The following SNX8 variants were observed in gnomAD, a reference collection of about 807,000 sequenced individuals.
SNX8 encodes sorting nexin-8.
In SNX8, 25 loss-of-function variants were observed where a neutral mutation model predicts 51.6. That is an observed-to-expected ratio of 0.48 (90% confidence interval 0.35 to 0.68). SNX8 has a LOEUF of 0.68. Among genes scored for constraint, SNX8 ranks in the 30% least tolerant of loss-of-function variants. The probability of loss-of-function intolerance (pLI) is 0.00; values close to 1 mark genes in which losing one functional copy is unlikely to be tolerated. For synonymous variants in SNX8, 324 were observed against 277.0 expected (o/e 1.17, Z -1.68); for missense variants, 695 against 624.0 (o/e 1.11, Z -1.21).
At chr7:2,320,796 G>A (rs1379893174) in intron 1 of SNX8, among the ~76,000 whole-genome samples, 3 of 151,896 alleles carry the variant, frequency 2.0e-5, no homozygotes, top group Admixed American at 6.6e-5. Flanking sequence ...CGAGGCGGGC[G>A]GATCACCTGA....
chr7:2,286,052 C>T (rs1796020432), intron 1 of SNX8, among the ~76,000 whole-genome samples: 1 of 149,494 alleles, frequency 6.7e-6, no homozygotes, highest in African/African-American at 2.5e-5. Context: ...TGCTCTGTCT[C>T]CCAAGCTGGA....
rs190200186 is a variant in SNX8 at position 2,289,170 on chromosome 7, C to A, written c.95-10865G>T. On this transcript the variant is annotated intron_variant, in intron 1 of 10. Coordinates refer to ENST00000222990, the MANE Select transcript of SNX8 (RefSeq NM_013321.4). ...GCTGCCCCTGTGGTGGGCGCCGCTG[C>A]GTGACTATGTGTCCTCGTCGCCTCC... 2.1e-3 allele frequency among the ~76,000 whole-genome samples: 314 copies of A among 152,270 alleles called. 3 individuals are homozygous for A. The highest frequency in any genetic ancestry group is 7.3e-3 in the African/African-American group (304 of 41,566).
At chr7:2,353,766 A>C (rs982298525) in intron 1 of SNX8, among the ~76,000 whole-genome samples, 2 of 151,740 alleles carry the variant, frequency 1.3e-5, no homozygotes, top group African/African-American at 4.8e-5. Context: ...TATTTATTTA[A>C]TTTTCGTAGA....
chr7:2,316,143 CCACT>C (rs1226046485), upstream of SNX8, among the ~76,000 whole-genome samples: 18 of 138,254 alleles, frequency 1.3e-4, no homozygotes, highest in African/African-American at 4.3e-4. Flanking sequence ...ATTCACGCAA[CCACT>C]CACTCACTGC....
Position 2,264,466 on chromosome 7 carries a change from C to G in SNX8, c.622-8G>C, listed in dbSNP as rs1379620284. ...GTCAGCTGGGAGGAAGTCCTGACAT[C>G]ATGATGGGGGGAGAGACACTGTGTT... On this transcript the variant is annotated splice_polypyrimidine_tract_variant and splice_region_variant and intron_variant, in intron 5 of 10. Coordinates refer to ENST00000222990, the MANE Select transcript of SNX8 (RefSeq NM_013321.4). 4.4e-6 allele frequency: 7 copies of G among 1,607,766 alleles called. No individual in the cohort carries two copies. In the South Asian group the frequency reaches 6.6e-5, roughly 15 times the overall value.
chr7:2,290,350 T>C (rs1796124710), intron 1 of SNX8, among the ~76,000 whole-genome samples: 1 of 151,334 alleles, frequency 6.6e-6, no homozygotes, highest in South Asian at 2.1e-4. Context: ...AAAATACAAA[T>C]AAAATTAGCC....
intron 8 of SNX8, 95 bp from the exon 9 acceptor site, chr7:2,257,609 G>T: frequency 1.3e-6 from 2 of 1,563,790 alleles, no homozygotes; most frequent in South Asian, 1.1e-5. Context: ...CAGACGGAAG[G>T]CCCCGTCTTC....
At chr7:2,338,350 T>C (rs1008715878) in intron 1 of SNX8, among the ~76,000 whole-genome samples, 1 of 151,690 alleles carries the variant, frequency 6.6e-6, no homozygotes, top group East Asian at 1.9e-4. Flanking sequence ...TAATCCCAGC[T>C]ACTCGGGAGG....
chr7:2,317,713 A>G (rs1243901125), upstream of SNX8, among the ~76,000 whole-genome samples: 1 of 151,914 alleles, frequency 6.6e-6, no homozygotes, highest in Non-Finnish European at 1.5e-5. Context: ...TAGCTGCTGG[A>G]CCCTGCCTCG....
At chr7:2,292,156 G>T (rs186602453) in intron 1 of SNX8, among the ~76,000 whole-genome samples, 1 of 152,078 alleles carries the variant, frequency 6.6e-6, no homozygotes, top group African/African-American at 2.4e-5. Flanking sequence ...CCAGCTACTT[G>T]GGAGGCTGAG....
chr7:2,340,170 C>T (rs931252784), intron 1 of SNX8, among the ~76,000 whole-genome samples: 1 of 151,648 alleles, frequency 6.6e-6, no homozygotes, highest in Non-Finnish European at 1.5e-5. Context: ...TCAAGTGATT[C>T]TCCTGCCTCA....
rs1377215665 is a variant in SNX8, at chr7:2,319,793, C to T, written c.-66+34429G>A. Among the ~76,000 whole-genome samples the T allele has an allele frequency of 5.9e-5, 8 of 135,956 alleles. No homozygotes were observed. The South Asian group carries it at 1.6e-3, about 27-fold the overall frequency. 89.2% of individuals were successfully genotyped at this position (135,956 alleles called of 152,430 possible). On this transcript the variant is annotated intron_variant, in intron 1 of 5. Coordinates refer to the SNX8 transcript ENST00000435336. Reference sequence around the variant, plus strand: ...CTGCACCACTGCACTCCAGCCTGGGCGACAGAGCGAGACTCCGTCTCAAAA... The same window carrying T: ...CTGCACCACTGCACTCCAGCCTGGGTGACAGAGCGAGACTCCGTCTCAAAA...
rs556354670 is a variant in SNX8, at chr7:2,275,769, C to T, written c.301-540G>A. Among the ~76,000 whole-genome samples, 7 of 152,116 alleles carry T rather than the reference C, an allele frequency of 4.6e-5. No homozygotes were observed. The South Asian group carries it at 1.2e-3, about 27-fold the overall frequency. ...TTCCCAGCACTTTGGGAGGCCGAGA[C>T]AGGCGGATCATGAGGTCAGGAGATC... On this transcript the variant is annotated intron_variant, in intron 2 of 10. Coordinates refer to ENST00000222990, the MANE Select transcript of SNX8 (RefSeq NM_013321.4).
Position 2,264,476 on chromosome 7 carries a change from GGA to G in SNX8, c.622-20_622-19del, listed in dbSNP as rs1026127459. ...AGGAAGTCCTGACATCATGATGGGG[GGA>G]GAGACACTGTGTTAGTCGCTGGGGA... On this transcript the variant is annotated intron_variant, in intron 5 of 10. Coordinates refer to ENST00000222990, the MANE Select transcript of SNX8 (RefSeq NM_013321.4). The G allele has an allele frequency of 1.9e-6, 3 of 1,604,530 alleles. No homozygotes were observed. The highest frequency in any genetic ancestry group is 2.5e-6 in the Non-Finnish European group (3 of 1,177,000).
chr7:2,303,663 C>G (rs1796468370), intron 1 of SNX8, among the ~76,000 whole-genome samples: 1 of 152,172 alleles, frequency 6.6e-6, no homozygotes, highest in Admixed American at 6.6e-5. Flanking sequence ...ACCACCAACC[C>G]TGTGCTCTCT....
At chr7:2,311,916 G>A (rs1489350653) in intron 1 of SNX8, among the ~76,000 whole-genome samples, 16 of 151,464 alleles carry the variant, frequency 1.1e-4, no homozygotes, top group African/African-American at 3.4e-4. Flanking sequence ...CAGCCTGGGC[G>A]ACAGAGCGAG....
intron 1 of SNX8, among the ~76,000 whole-genome samples, chr7:2,308,780 ATT>A (rs755533735): frequency 1.2e-4 from 17 of 136,014 alleles, no homozygotes; most frequent in Non-Finnish European, 1.4e-4. Flanking sequence ...AAATGAACAA[ATT>A]TTTTTTTTTT....
chr7:2,287,246 ACT>A (rs34442784), intron 1 of SNX8, among the ~76,000 whole-genome samples: 44,842 of 150,452 alleles, frequency 0.3, 7,816 homozygotes, highest in East Asian at 0.59. Flanking sequence ...ACAGAGCAAG[ACT>A]CTGTTTCAAA....
At chr7:2,337,843 G>A (rs1228494971) in intron 1 of SNX8, among the ~76,000 whole-genome samples, 2 of 113,908 alleles carry the variant, frequency 1.8e-5, no homozygotes, top group South Asian at 3.1e-4. Flanking sequence ...CAAATAAAAG[G>A]ATATCTTGTA....
Sources: gnomAD v4.1 joint callset for allele counts (sites outside exome capture counted in the v4.1 genomes callset) on GRCh38, gnomAD v4.1.1 for gene constraint, MANE v1.5 for transcripts, NCBI Gene and HGNC (gene_info 2026-07-23, HGNC 2026-07-21) for gene names.